Variants in RTL4 observed in about 807,000 individuals in gnomAD.
RTL4 encodes retrotransposon Gag like 4.
Under a neutral mutation model 5.3 loss-of-function variants are expected in RTL4, and 4 were observed. The ratio of observed to expected loss-of-function variants is 0.75; its 90% CI spans 0.37 to 1.72. The LOEUF (loss-of-function observed/expected upper bound fraction) is 1.72, where lower values mean the gene tolerates loss of function less well. RTL4 is among the 40% of genes most tolerant of loss of function. The pLI, the probability that RTL4 is intolerant of heterozygous loss-of-function variation, is 0.04. For missense variants in RTL4, 260 were observed against 227.1 expected (o/e 1.14, Z -0.93); for synonymous variants, 98 against 87.3 (o/e 1.12, Z -0.68).
the RTL4 span, among the ~76,000 whole-genome samples, chrX:112,359,787 TC>T: frequency 1.8e-5 from 2 of 111,178 alleles, no homozygotes; most frequent in Non-Finnish European, 3.8e-5. Context: ...GTTTATAGGT[TC>T]CCTGAAGCCA....
chrX:112,456,229 C>T (rs1926842166), exon 1 of RTL4: 1 of 305,317 alleles, frequency 3.3e-6, no homozygotes, highest in African/African-American at 2.7e-5. Context: ...AATCAACCTT[C>T]CTGGAACCAC....
At chrX:112,102,629 C>T in the RTL4 span, among the ~76,000 whole-genome samples, 1 of 110,823 alleles carries the variant, frequency 9.0e-6, no homozygotes, top group Non-Finnish European at 1.9e-5. Context: ...AAAGACAGAA[C>T]CAAAAAGAAA....
chrX:112,212,986 G>T, the RTL4 span, among the ~76,000 whole-genome samples: 2 of 112,184 alleles, frequency 1.8e-5, no homozygotes, highest in Non-Finnish European at 3.8e-5. Context: ...TAACCCTGGA[G>T]GAGATATACT....
chrX:112,154,644 A>G, the RTL4 span, among the ~76,000 whole-genome samples: 1 of 112,273 alleles, frequency 8.9e-6, no homozygotes, highest in African/African-American at 3.2e-5. Flanking sequence ...AAATAACTGG[A>G]ACCAAATATT....
At chrX:112,392,439 C>T in the RTL4 span, among the ~76,000 whole-genome samples, 1 of 111,785 alleles carries the variant, frequency 8.9e-6, no homozygotes, top group Non-Finnish European at 1.9e-5. Context: ...AGATGGTGGC[C>T]TTTTCCTCCC....
At chrX:112,148,060 G>A in the RTL4 span, among the ~76,000 whole-genome samples, 1 of 111,141 alleles carries the variant, frequency 9.0e-6, no homozygotes, top group South Asian at 3.8e-4. Context: ...ACAGGACCTG[G>A]TCAGCCAACA....
At chrX:112,127,108 C>T in the RTL4 span, among the ~76,000 whole-genome samples, 1 of 111,370 alleles carries the variant, frequency 9.0e-6, no homozygotes, top group African/African-American at 3.3e-5. Context: ...CCAAATATAT[C>T]ATAAGAAAAT....
chrX:112,237,425 T>C, the RTL4 span, among the ~76,000 whole-genome samples: 3 of 112,145 alleles, frequency 2.7e-5, no homozygotes, highest in Non-Finnish European at 5.6e-5. Flanking sequence ...ATCAGAGAAG[T>C]GACCTTCAGC....
At chrX:112,157,481 C>T in the RTL4 span, among the ~76,000 whole-genome samples, 1 of 111,239 alleles carries the variant, frequency 9.0e-6, no homozygotes, top group Non-Finnish European at 1.9e-5. Context: ...TCCCCTACCC[C>T]ACCCTAAACT....
the RTL4 span, among the ~76,000 whole-genome samples, chrX:112,220,101 A>T: frequency 8.9e-6 from 1 of 111,841 alleles, no homozygotes; most frequent in Non-Finnish European, 1.9e-5. Context: ...CTGGCTTTTG[A>T]CACTAATATA....
exon 1 of RTL4, chrX:112,454,835 A>T (rs180935000): frequency 8.3e-7 from 1 of 1,209,025 alleles, no homozygotes; most frequent in Non-Finnish European, 1.1e-6. Flanking sequence ...ACCACGGAGA[A>T]CACTGCTAAA....
the RTL4 span, among the ~76,000 whole-genome samples, chrX:112,174,359 A>G: frequency 5.1e-5 from 5 of 98,800 alleles, no homozygotes; most frequent in Non-Finnish European, 8.1e-5. Context: ...GCGATAGTTT[A>G]CTGAGAATGA....
chrX:112,330,865 T>G, the RTL4 span, among the ~76,000 whole-genome samples: 1 of 110,901 alleles, frequency 9.0e-6, no homozygotes, highest in Non-Finnish European at 1.9e-5. Flanking sequence ...TATCTACAAC[T>G]ATCTGATCTT....
At chrX:112,104,456 T>G in the RTL4 span, among the ~76,000 whole-genome samples, 2 of 111,444 alleles carry the variant, frequency 1.8e-5, no homozygotes, top group Non-Finnish European at 1.9e-5. Flanking sequence ...TTATTTTTTT[T>G]TGTGAGGAAC....
At chrX:112,120,742 T>A in the RTL4 span, among the ~76,000 whole-genome samples, 6 of 111,324 alleles carry the variant, frequency 5.4e-5, no homozygotes, top group Admixed American at 4.8e-4. Context: ...GAAAAGTATG[T>A]TAAAAATTCT....
the RTL4 span, among the ~76,000 whole-genome samples, chrX:112,149,296 A>G: frequency 9.0e-6 from 1 of 111,665 alleles, no homozygotes; most frequent in Non-Finnish European, 1.9e-5. Context: ...TAAAAATGAT[A>G]AGTAAAATAT....
the RTL4 span, among the ~76,000 whole-genome samples, chrX:112,203,357 A>T: frequency 9.0e-6 from 1 of 111,254 alleles, no homozygotes; most frequent in Non-Finnish European, 1.9e-5. Context: ...ATTTCCTCTT[A>T]TTTTTTATTC....
At chrX:112,199,746 A>G in the RTL4 span, among the ~76,000 whole-genome samples, 1 of 111,847 alleles carries the variant, frequency 8.9e-6, no homozygotes, top group Non-Finnish European at 1.9e-5. Flanking sequence ...CCGCAAGCTC[A>G]TTAAACAGTA....
chrX:112,319,310 T>C, the RTL4 span, among the ~76,000 whole-genome samples: 4 of 111,310 alleles, frequency 3.6e-5, no homozygotes, highest in Non-Finnish European at 3.8e-5. Flanking sequence ...TTCCCCTCCA[T>C]TGCTTCCTTT....
Sources: gnomAD v4.1 joint callset for allele counts (sites outside exome capture counted in the v4.1 genomes callset) on GRCh38, gnomAD v4.1.1 for gene constraint, MANE v1.5 for transcripts, NCBI Gene and HGNC (gene_info 2026-07-23, HGNC 2026-07-21) for gene names.